BACH2: variants seen among roughly 807,000 people sequenced by gnomAD.
BACH2 encodes BACH transcriptional regulator 2, also known as transcription regulator protein BACH2.
BACH2 carries 5 observed loss-of-function variants against 61.8 expected under a neutral mutation model. That is an observed-to-expected ratio of 0.08 (90% CI 0.04 to 0.17). The LOEUF is 0.17. Among genes scored for constraint, BACH2 ranks in the 10% least tolerant of loss-of-function variants. The probability of loss-of-function intolerance (pLI) is 1.00; values close to 1 mark genes in which losing one functional copy is unlikely to be tolerated. For missense variants in BACH2, 824 were observed against 1,091.1 expected, an observed-to-expected ratio of 0.76 and a Z score of 3.45; for synonymous variants, 446 against 440.1, an observed-to-expected ratio of 1.01 and a Z score of -0.17.
intron 4 of BACH2, among the ~76,000 whole-genome samples, chr6:90,195,623 T>C (rs1019154450): frequency 6.6e-6 from 1 of 152,148 alleles, no homozygotes; most frequent in Non-Finnish European, 1.5e-5. Context: ...CGCCAGTCCA[T>C]TTCGAGTATT....
intron 5 of BACH2, among the ~76,000 whole-genome samples, chr6:90,045,576 C>T (rs981531449): frequency 3.9e-5 from 6 of 152,128 alleles, no homozygotes; most frequent in African/African-American, 1.2e-4. Flanking sequence ...GCCGTAAGTC[C>T]GAGATAAGTT....
chr6:90,026,310 G>A (rs1452240749), intron 5 of BACH2, among the ~76,000 whole-genome samples: 1 of 152,164 alleles, frequency 6.6e-6, no homozygotes, highest in Non-Finnish European at 1.5e-5. Flanking sequence ...CTATCAAAGT[G>A]CTATAATTAA....
At chr6:90,049,472 C>A (rs1264253635) in intron 5 of BACH2, among the ~76,000 whole-genome samples, 1 of 152,052 alleles carries the variant, frequency 6.6e-6, no homozygotes, top group Non-Finnish European at 1.5e-5. Flanking sequence ...TCTGTGGAAC[C>A]CCTGGGAATC....
intron 6 of BACH2, among the ~76,000 whole-genome samples, chr6:89,975,759 C>T (rs771818549): frequency 1.3e-5 from 2 of 152,138 alleles, no homozygotes; most frequent in Non-Finnish European, 2.9e-5. Flanking sequence ...AAACAAAGTC[C>T]CACTTATCAA....
intron 5 of BACH2, among the ~76,000 whole-genome samples, chr6:90,013,659 A>G (rs1439250113): frequency 6.6e-6 from 1 of 151,562 alleles, no homozygotes; most frequent in Non-Finnish European, 1.5e-5. Flanking sequence ...GGTGCCCGCC[A>G]CCATGCCAGG....
chr6:89,990,638 C>T lies in BACH2; in HGVS notation c.243+17964G>A, dbSNP rs79895232. Among the ~76,000 whole-genome samples the T allele has an allele frequency of 5.4e-3, 815 of 152,128 alleles. 8 individuals are homozygous for T. The highest frequency in any genetic ancestry group is 0.018 in the African/African-American group (729 of 41,490). On this transcript the variant is annotated intron_variant, in intron 6 of 8. Coordinates refer to ENST00000257749, the MANE Select transcript of BACH2 (RefSeq NM_021813.4). ...TCTCTCCTCCCAATACCCACCCCCA[C>T]CGACCCCTCCAACCTCTGGTCCATG... is the stretch of plus-strand genomic sequence containing the variant.
chr6:89,949,071 G>C (rs1379978399), intron 7 of BACH2, among the ~76,000 whole-genome samples: 1 of 152,190 alleles, frequency 6.6e-6, no homozygotes, highest in East Asian at 1.9e-4. Flanking sequence ...CAATCTTGCA[G>C]AGGCTGAATA....
intron 3 of BACH2, among the ~76,000 whole-genome samples, chr6:90,243,910 G>A (rs1380857229): frequency 6.6e-6 from 1 of 152,070 alleles, no homozygotes; most frequent in Non-Finnish European, 1.5e-5. Context: ...CTCAGTCATA[G>A]GACATTCATT....
In BACH2 at chr6:90,129,634, A is replaced by C. The variant is rs551959998; in HGVS notation, c.-161-40525T>G. Among the ~76,000 whole-genome samples, 3 of 152,054 alleles carry C rather than the reference A, an allele frequency of 2.0e-5. No homozygotes were observed. In the East Asian group the frequency reaches 5.8e-4, roughly 29 times the overall value. Reference sequence around the variant, plus strand: ...TTTCCATTTGTTTGTGTCCTCTCTTACTTCCTGGAGCAGTGGTTTGTAGTT... The same window carrying C: ...TTTCCATTTGTTTGTGTCCTCTCTTCCTTCCTGGAGCAGTGGTTTGTAGTT... On this transcript the variant is annotated intron_variant, in intron 4 of 8. Transcript: ENST00000257749.
intron 4 of BACH2, among the ~76,000 whole-genome samples, chr6:90,164,057 C>G (rs1410227471): frequency 6.6e-6 from 1 of 152,122 alleles, no homozygotes. Context: ...CAAGAAATAA[C>G]TAAGATCAGA....
Position 89,951,975 on chromosome 6 carries a change from C to A in BACH2, c.244-113G>T. 2 of 1,265,572 alleles carry A rather than the reference C, an allele frequency of 1.6e-6. No individual in the cohort carries two copies. Among genetic ancestry groups the A allele is most frequent in the African/African-American group, 1.5e-5 (1 of 67,000 alleles). The allele number at this position is 1,265,572 out of a possible 1,614,324, so 78.4% of individuals were successfully genotyped here. On this transcript the variant is annotated intron_variant, in intron 6 of 8. Transcript: ENST00000257749. This position sits in a 1 kb window ranked among gnomAD's most constrained non-coding sequence, Gnocchi z 6.4. ...TGCTAATGTCCCAGAATAAAGACTG[C>A]AAAGGGGCAGTTAATCTTGTAGTAC...
chr6:90,021,179 A>G (rs1365249388), intron 5 of BACH2, among the ~76,000 whole-genome samples: 1 of 152,128 alleles, frequency 6.6e-6, no homozygotes, highest in African/African-American at 2.4e-5. Context: ...TCGAAGGTAT[A>G]GTATTAATGA....
At chr6:90,037,892 T>C (rs1022955159) in intron 5 of BACH2, among the ~76,000 whole-genome samples, 2 of 152,120 alleles carry the variant, frequency 1.3e-5, no homozygotes, top group Non-Finnish European at 2.9e-5. Flanking sequence ...AACAACACCA[T>C]GTGAAGATGG....
At chr6:90,060,553 A>G (rs1264391915) in intron 5 of BACH2, among the ~76,000 whole-genome samples, 1 of 151,994 alleles carries the variant, frequency 6.6e-6, no homozygotes, top group Non-Finnish European at 1.5e-5. Context: ...TCTATATTTA[A>G]GTTAATTTTT....
chr6:90,024,028 A>G (rs1336417555), intron 5 of BACH2, among the ~76,000 whole-genome samples: 2 of 152,220 alleles, frequency 1.3e-5, no homozygotes, highest in East Asian at 3.8e-4. Context: ...CCAGAAAGGG[A>G]CACCGTGGGG....
intron 4 of BACH2, among the ~76,000 whole-genome samples, chr6:90,094,604 G>A (rs571905058): frequency 6.6e-6 from 1 of 152,194 alleles, no homozygotes; most frequent in East Asian, 1.9e-4. Flanking sequence ...AAACTTCAAG[G>A]ACGGGACACT....
chr6:90,195,805 G>A (rs968851262), intron 4 of BACH2, among the ~76,000 whole-genome samples: 6 of 152,138 alleles, frequency 3.9e-5, no homozygotes, highest in African/African-American at 1.2e-4. Context: ...TGGCTACAGA[G>A]CAGCTAAGGT....
At chr6:90,222,440 G>A (rs1769765259) in intron 3 of BACH2, among the ~76,000 whole-genome samples, 1 of 152,182 alleles carries the variant, frequency 6.6e-6, no homozygotes, top group Non-Finnish European at 1.5e-5. Flanking sequence ...GAAGATACTT[G>A]TAAAAGGAAT....
Position 90,279,191 on chromosome 6 carries a change from G to A in BACH2, c.-445-7250C>T, listed in dbSNP as rs144210835. Reference sequence around the variant, plus strand: ...AATCTAAAATCGAACAAACGCTATAGGAATATGCAGTAATCTTCCTAAATC... The same window carrying A: ...AATCTAAAATCGAACAAACGCTATAAGAATATGCAGTAATCTTCCTAAATC... On this transcript the variant is annotated intron_variant, in intron 1 of 8. Transcript: ENST00000257749. Among the ~76,000 whole-genome samples, 362 of 151,978 alleles carry A rather than the reference G, an allele frequency of 2.4e-3. 2 individuals carry two copies. Among genetic ancestry groups the A allele is most frequent in the African/African-American group, 8.5e-3 (353 of 41,460 alleles).
Sources: allele counts gnomAD v4.1 joint callset (sites outside exome capture counted in the v4.1 genomes callset), GRCh38; gene constraint gnomAD v4.1.1; non-coding constraint Gnocchi (gnomAD v3.1); transcripts MANE v1.5; gene names NCBI Gene and HGNC (gene_info 2026-07-23, HGNC 2026-07-21).